Variants in PICALM observed in about 807,000 individuals in gnomAD.
The protein encoded by PICALM is phosphatidylinositol-binding clathrin assembly protein.
PICALM carries 40 observed loss-of-function variants against 80.5 expected under a neutral mutation model. The observed-to-expected ratio is 0.50, with a 90% CI of 0.39 to 0.65. The LOEUF (loss-of-function observed/expected upper bound fraction) is 0.65. PICALM is among the 30% of genes least tolerant of loss of function. The pLI, the probability that PICALM is intolerant of heterozygous loss-of-function variation, is 0.00. For missense variants in PICALM, 676 were observed against 778.9 expected, an observed-to-expected ratio of 0.87 and a Z score of 1.57; for synonymous variants, 288 against 260.3, an observed-to-expected ratio of 1.11 and a Z score of -1.02.
chr11:86,069,054 T>G lies in PICALM; in HGVS notation c.-274A>C. 4.9e-6 allele frequency: 2 copies of G among 406,540 alleles called. No individual in the cohort carries two copies. The highest frequency in any genetic ancestry group is 8.9e-6 in the Non-Finnish European group (2 of 223,694). The allele number at this position is 406,540 out of a possible 1,614,324, so 25.2% of individuals were successfully genotyped here. A position where few individuals can be genotyped will look rare whatever the true frequency, so the allele number is the denominator to read the frequency against. On this transcript the variant is annotated 5_prime_UTR_variant, in exon 1 of 20. Transcript: ENST00000393346. ...CCGGGTCAGCTGGAGCCGGGCAGGG[T>G]AAGAGGAACAGGCAGCTGCAGGAAA...
At chr11:85,992,002 T>C (rs1337656110) in intron 12 of PICALM, among the ~76,000 whole-genome samples, 1 of 152,090 alleles carries the variant, frequency 6.6e-6, no homozygotes, top group Non-Finnish European at 1.5e-5. Context: ...ACTACAGGCA[T>C]GTGCCACCAT....
chr11:86,043,347 C>T (rs905613048), intron 1 of PICALM, among the ~76,000 whole-genome samples: 3 of 151,966 alleles, frequency 2.0e-5, no homozygotes, highest in Non-Finnish European at 4.4e-5. Flanking sequence ...TTTTTTTCAC[C>T]CCGGGAAACT....
intron 3 of PICALM, among the ~76,000 whole-genome samples, chr11:86,024,379 G>T (rs2095615989): frequency 6.8e-6 from 1 of 147,804 alleles, no homozygotes. Flanking sequence ...ACAAGTATTG[G>T]ACTGAACACC....
intron 1 of PICALM, among the ~76,000 whole-genome samples, chr11:86,063,638 G>A (rs970477741): frequency 4.0e-5 from 6 of 151,898 alleles, no homozygotes; most frequent in Admixed American, 6.6e-5. Context: ...CTGCCATGGC[G>A]ACAGAAAAAA....
At chr11:85,997,706 G>T (rs1198279759) in intron 11 of PICALM, among the ~76,000 whole-genome samples, 1 of 152,202 alleles carries the variant, frequency 6.6e-6, no homozygotes, top group Non-Finnish European at 1.5e-5. Context: ...CTTGACCTCA[G>T]GTGATACGCC....
At chr11:85,962,283 A>T (rs2093715117) in intron 19 of PICALM, among the ~76,000 whole-genome samples, 1 of 152,174 alleles carries the variant, frequency 6.6e-6, no homozygotes, top group African/African-American at 2.4e-5. Flanking sequence ...ACTGAGCTGG[A>T]GGGAGTCCAA....
In PICALM at chr11:86,068,793, T is replaced by C; in HGVS notation, c.-13A>G. The C allele has an allele frequency of 1.3e-6, 2 of 1,597,962 alleles. No homozygotes were observed. The highest frequency in any genetic ancestry group is 1.7e-6 in the Non-Finnish European group (2 of 1,175,438). ...TCTGGCCGGACATCTCTGCAGCTCC[T>C]CCACCACCCCACCCGCTCAGCAGCC... On this transcript the variant is annotated 5_prime_UTR_variant, in exon 1 of 20. Coordinates refer to ENST00000393346, the MANE Select transcript of PICALM (RefSeq NM_007166.4).
At chr11:85,960,649 C>G in intron 19 of PICALM, 1 of 953,854 alleles carries the variant, frequency 1.0e-6, no homozygotes. Flanking sequence ...ATTTAAGTCC[C>G]CATCTCCCAA....
intron 19 of PICALM, among the ~76,000 whole-genome samples, chr11:85,960,232 A>C (rs1039599432): frequency 3.3e-5 from 5 of 152,146 alleles, no homozygotes; most frequent in African/African-American, 4.8e-5. Flanking sequence ...ATGTGCTAAT[A>C]AACTTGCCAA....
At chr11:86,039,875 G>A (rs2095920785) in intron 1 of PICALM, among the ~76,000 whole-genome samples, 1 of 151,752 alleles carries the variant, frequency 6.6e-6, no homozygotes. Context: ...ATGGTGGCGG[G>A]AGCCTGTAGT....
intron 11 of PICALM, among the ~76,000 whole-genome samples, chr11:85,997,996 G>A (rs1288521626): frequency 6.6e-6 from 1 of 151,978 alleles, no homozygotes; most frequent in Non-Finnish European, 1.5e-5. Flanking sequence ...TGCCCAGGCT[G>A]GCCTCGAACT....
chr11:86,012,416 A>C, intron 5 of PICALM, 24 bp from the exon 6 acceptor site: 1 of 1,314,414 alleles, frequency 7.6e-7, no homozygotes, highest in Non-Finnish European at 1.1e-6. Flanking sequence ...GGAAAATAAA[A>C]TTAGCTAATC....
At chr11:86,023,201 A>AT (rs1208005340) in intron 3 of PICALM, among the ~76,000 whole-genome samples, 1 of 152,140 alleles carries the variant, frequency 6.6e-6, no homozygotes, top group Admixed American at 6.5e-5. Context: ...AAGTGAACCC[A>AT]TTTTATCTCA....
At chr11:85,985,918 T>A (rs556632988) in intron 13 of PICALM, among the ~76,000 whole-genome samples, 1 of 152,314 alleles carries the variant, frequency 6.6e-6, no homozygotes, top group East Asian at 1.9e-4. Context: ...ATGATTGATA[T>A]AAGAGATAAG....
At chr11:86,053,320 G>GCAAACGTGGACA (rs1466123198) in intron 1 of PICALM, among the ~76,000 whole-genome samples, 40 of 152,146 alleles carry the variant, frequency 2.6e-4, no homozygotes, top group African/African-American at 9.7e-4. Context: ...TCCAAATAAG[G>GCAAACGTGGACA]CAAACGTGGA....
intron 1 of PICALM, among the ~76,000 whole-genome samples, chr11:86,037,282 CG>C (rs1214836654): frequency 2.1e-5 from 2 of 94,502 alleles, no homozygotes; most frequent in African/African-American, 9.2e-5. Flanking sequence ...TTTTTTGAGA[CG>C]GAGTCTCACT....
chr11:86,016,485 A>G (rs934033328), intron 4 of PICALM, among the ~76,000 whole-genome samples: 11 of 152,174 alleles, frequency 7.2e-5, no homozygotes, highest in Non-Finnish European at 1.6e-4. Flanking sequence ...TACTTTCTTC[A>G]TCTAGCTTAG....
At position 86,066,363 on chromosome 11, in the gene PICALM, C is replaced by T. The variant is rs117731839; in HGVS notation, c.130+2288G>A. ...AAGAAACAGAAGCACATTAACGACA[C>T]ATATATTTTTAAATCAAATACTACC... On this transcript the variant is annotated intron_variant, in intron 1 of 19. Transcript: ENST00000393346. Among the ~76,000 whole-genome samples the T allele has an allele frequency of 6.0e-4, 92 of 152,240 alleles. No individual in the cohort carries two copies. In the East Asian group the frequency reaches 0.015, roughly 25 times the overall value.
At chr11:85,975,112 C>G (rs559182054) in intron 18 of PICALM, among the ~76,000 whole-genome samples, 1 of 152,228 alleles carries the variant, frequency 6.6e-6, no homozygotes, top group South Asian at 2.1e-4. Context: ...ATGATTAAGA[C>G]TAAGAGTTTC....
Sources: gnomAD v4.1 joint callset for allele counts (sites outside exome capture counted in the v4.1 genomes callset) on GRCh38, gnomAD v4.1.1 for gene constraint, MANE v1.5 for transcripts, NCBI Gene and HGNC (gene_info 2026-07-23, HGNC 2026-07-21) for gene names.